The following FBXO16 variants were observed in gnomAD, a reference collection of about 807,000 sequenced individuals.
FBXO16 encodes F-box only protein 16.
In FBXO16, 31 loss-of-function variants were observed where a neutral mutation model predicts 41.0. The ratio of observed to expected loss-of-function variants is 0.76; its 90% confidence interval spans 0.57 to 1.02. The LOEUF (loss-of-function observed/expected upper bound fraction) is 1.02. Ranked by LOEUF, FBXO16 falls within the 50% of genes least tolerant of loss-of-function variation. FBXO16 has a pLI of 0.00. For missense variants in FBXO16, 361 were observed against 346.2 expected, an observed-to-expected ratio of 1.04 and a Z score of -0.34; for synonymous variants, 133 against 117.8, an observed-to-expected ratio of 1.13 and a Z score of -0.84.
At position 28,456,920 on chromosome 8, in the gene FBXO16, T is replaced by C. The variant is rs745789384; in HGVS notation, c.353A>G (p.His118Arg). The C allele has an allele frequency of 1.2e-6, 2 of 1,612,858 alleles. No homozygotes were observed. ...SLCRCAQVCWHWKNLAELDQL... is the reference protein window; with the variant it reads ...SLCRCAQVCWRWKNLAELDQL... ...GTCCAGCTCAGCAAGGTTCTTCCAA[T>C]GCCAGCACACCTGGAAAAACAATTA... The change falls in exon 5 of 9, where the codon CAT becomes CGT. Residue 118 changes from histidine to arginine, a missense_variant. His to Arg is a conservative substitution (Grantham distance 29, BLOSUM62 0). Transcript: ENST00000380254.
intron 7 of FBXO16, among the ~76,000 whole-genome samples, chr8:28,429,690 A>T (rs371570142): frequency 1.3e-5 from 2 of 152,206 alleles, no homozygotes; most frequent in African/African-American, 4.8e-5. Flanking sequence ...TGTTTGCAAT[A>T]CACAGGGTTT....
chr8:28,444,753 T>C (rs1802835365), intron 7 of FBXO16, among the ~76,000 whole-genome samples: 1 of 147,624 alleles, frequency 6.8e-6, no homozygotes, highest in Admixed American at 6.8e-5. Context: ...GTGCTGGGAT[T>C]ACAGGTGTGA....
At chr8:28,431,314 G>A (rs758396973) in intron 7 of FBXO16, among the ~76,000 whole-genome samples, 11 of 152,060 alleles carry the variant, frequency 7.2e-5, no homozygotes, top group Non-Finnish European at 1.5e-4. Context: ...GGTCTCCTTC[G>A]GCCACCATTC....
chr8:28,481,369 G>C (rs1563370803), intron 2 of FBXO16, among the ~76,000 whole-genome samples: 1 of 152,140 alleles, frequency 6.6e-6, no homozygotes, highest in Non-Finnish European at 1.5e-5. Flanking sequence ...AGATAAGCGG[G>C]TGGAGAAGAG....
chr8:28,446,340 T>C (rs963364560), intron 7 of FBXO16, among the ~76,000 whole-genome samples: 2 of 151,506 alleles, frequency 1.3e-5, no homozygotes, highest in Non-Finnish European at 2.9e-5. Flanking sequence ...GCCCAGCTAA[T>C]TTTTGTATTG....
At chr8:28,448,549 TATCTATTG>T (rs1276642959) in intron 6 of FBXO16, among the ~76,000 whole-genome samples, 1 of 152,126 alleles carries the variant, frequency 6.6e-6, no homozygotes, top group Admixed American at 6.5e-5. Flanking sequence ...AACAAATATA[TATCTATTG>T]AGTTGGTGGC....
Position 28,428,526 on chromosome 8 carries a change from A to C in FBXO16, c.*201T>G. On this transcript the variant is annotated 3_prime_UTR_variant, in exon 9 of 9. Transcript: ENST00000380254. ...AATTCAGCTCTCCACTGTGCAAAGC[A>C]TCTTGTCATTTCTATAATAAAAGTC... The C allele has an allele frequency of 6.5e-7, 1 of 1,530,954 alleles. No homozygotes were observed. Among genetic ancestry groups the C allele is most frequent in the Non-Finnish European group, 8.8e-7 (1 of 1,141,182 alleles). 94.8% of individuals were successfully genotyped at this position (1,530,954 alleles called of 1,614,324 possible).
intron 4 of FBXO16, among the ~76,000 whole-genome samples, chr8:28,461,047 T>C (rs1803125934): frequency 1.3e-5 from 2 of 151,926 alleles, no homozygotes; most frequent in Non-Finnish European, 2.9e-5. Flanking sequence ...ATATTCTTTA[T>C]TCTTTATAAG....
intron 4 of FBXO16, 45 bp downstream of exon 4, chr8:28,463,567 A>G (rs1803180317): frequency 1.0e-5 from 16 of 1,599,540 alleles, no homozygotes; most frequent in Non-Finnish European, 1.3e-5. Flanking sequence ...CAAGTTTCCT[A>G]AGGCTGTCCT....
intron 4 of FBXO16, among the ~76,000 whole-genome samples, chr8:28,457,851 T>C (rs1803062037): frequency 1.3e-5 from 2 of 152,232 alleles, no homozygotes; most frequent in African/African-American, 4.8e-5. Context: ...AAAGCACTTA[T>C]TATGTACATA....
At chr8:28,484,783 C>T (rs758298678) in intron 1 of FBXO16, among the ~76,000 whole-genome samples, 3 of 151,860 alleles carry the variant, frequency 2.0e-5, no homozygotes, top group Non-Finnish European at 2.9e-5. Flanking sequence ...TTAGTAGAGA[C>T]GGGGTTTCAC....
intron 5 of FBXO16, among the ~76,000 whole-genome samples, chr8:28,456,127 C>G (rs952715092): frequency 2.6e-5 from 4 of 151,970 alleles, no homozygotes. Context: ...AAAATTTTCC[C>G]ATAAATTATC....
intron 7 of FBXO16, among the ~76,000 whole-genome samples, chr8:28,439,309 C>A (rs1802729650): frequency 6.6e-6 from 1 of 152,104 alleles, no homozygotes; most frequent in African/African-American, 2.4e-5. Context: ...TGTCTGACTG[C>A]AAAGCCCATA....
At position 28,428,583 on chromosome 8, in the gene FBXO16, C is replaced by T; in HGVS notation, c.*144G>A. On this transcript the variant is annotated 3_prime_UTR_variant, in exon 9 of 9. Coordinates refer to ENST00000380254, the MANE Select transcript of FBXO16 (RefSeq NM_172366.4). ...TGTTCAGTCCACTTTGGCTCTGGAA[C>T]CTGGATGAGTCATGCTTGGGGCCCA... 1 of 1,550,834 alleles carries T rather than the reference C, an allele frequency of 6.4e-7. No homozygotes were observed. Among genetic ancestry groups the T allele is most frequent in the Non-Finnish European group, 8.7e-7 (1 of 1,146,902 alleles).
rs1802573648 is a variant in FBXO16 at position 28,429,364 on chromosome 8, C to T, written c.869+14G>A. 6.2e-7 allele frequency: 1 copy of T among 1,613,772 alleles called. No homozygotes were observed. Among genetic ancestry groups the T allele is most frequent in the Non-Finnish European group, 8.5e-7 (1 of 1,179,798 alleles). ...AGGCAAATGTCACAGGTTGATATCA[C>T]AACCGAAACTCACAGTGGGAAGGGA... On this transcript the variant is annotated intron_variant, in intron 8 of 8. Transcript: ENST00000380254.
chr8:28,465,346 C>T (rs377145558), intron 3 of FBXO16: 6 of 442,824 alleles, frequency 1.4e-5, no homozygotes, highest in East Asian at 1.5e-4. Context: ...AAATAGGCCC[C>T]GTGTGGTGGC....
At chr8:28,481,024 A>G (rs1803502035) in intron 2 of FBXO16, among the ~76,000 whole-genome samples, 1 of 150,148 alleles carries the variant, frequency 6.7e-6, no homozygotes, top group Non-Finnish European at 1.5e-5. Flanking sequence ...ATGCAAAGGC[A>G]TGGAGGTGTG....
chr8:28,434,730 C>A (rs78868169), intron 7 of FBXO16, among the ~76,000 whole-genome samples: 1 of 152,236 alleles, frequency 6.6e-6, no homozygotes, highest in Non-Finnish European at 1.5e-5. Flanking sequence ...GCAGGGGTGC[C>A]CTGTCTACTG....
At chr8:28,483,526 T>C in intron 1 of FBXO16, 64 bp from the exon 2 acceptor site, 1 of 1,238,142 alleles carries the variant, frequency 8.1e-7, no homozygotes, top group East Asian at 2.3e-5. Context: ...AAAACAAAAA[T>C]TACTAATACC....
Sources: gnomAD v4.1 joint callset for allele counts (sites outside exome capture counted in the v4.1 genomes callset) on GRCh38, gnomAD v4.1.1 for gene constraint, MANE v1.5 for transcripts, NCBI Gene and HGNC (gene_info 2026-07-23, HGNC 2026-07-21) for gene names.